The following DCC variants were observed in gnomAD, a reference collection of about 807,000 sequenced individuals.
DCC encodes the protein netrin receptor DCC.
In DCC, 58 loss-of-function variants were observed where a neutral mutation model predicts 172.5. The observed-to-expected ratio is 0.34, with a 90% CI of 0.27 to 0.42. The LOEUF (loss-of-function observed/expected upper bound fraction) is 0.42. DCC is among the 10% of genes least tolerant of loss of function. DCC has a pLI of 1.00. For synonymous variants in DCC, 709 were observed against 644.5 expected, an observed-to-expected ratio of 1.10 and a Z score of -1.52; for missense variants, 1,740 against 1,791.0, an observed-to-expected ratio of 0.97 and a Z score of 0.51.
intron 5 of DCC, among the ~76,000 whole-genome samples, chr18:52,973,452 G>T (rs890839899): frequency 3.4e-4 from 52 of 152,050 alleles, no homozygotes; most frequent in Non-Finnish European, 2.2e-4. Flanking sequence ...CTTACCCACT[G>T]GCCAAGTAGG....
chr18:53,091,802 A>G (rs927876051), intron 7 of DCC, among the ~76,000 whole-genome samples: 21 of 149,908 alleles, frequency 1.4e-4, no homozygotes, highest in African/African-American at 5.2e-4. Context: ...CATTGCATAC[A>G]CTGTACATAT....
At chr18:53,272,997 T>A (rs1192010440) in intron 12 of DCC, among the ~76,000 whole-genome samples, 1 of 152,132 alleles carries the variant, frequency 6.6e-6, no homozygotes, top group Non-Finnish European at 1.5e-5. Flanking sequence ...TGGCTGGATA[T>A]GAACCTTGAT....
At chr18:52,577,466 G>A (rs570811211) in intron 1 of DCC, among the ~76,000 whole-genome samples, 1 of 152,220 alleles carries the variant, frequency 6.6e-6, no homozygotes, top group South Asian at 2.1e-4. Flanking sequence ...CTGTGCTAAC[G>A]TTTGCAATAG....
intron 12 of DCC, among the ~76,000 whole-genome samples, chr18:53,263,581 G>A (rs982307096): frequency 2.6e-5 from 4 of 151,988 alleles, no homozygotes; most frequent in Admixed American, 2.6e-4. Flanking sequence ...GGAAAGACTG[G>A]GAAACATTAT....
intron 1 of DCC, among the ~76,000 whole-genome samples, chr18:52,553,418 AG>A (rs2144726846): frequency 6.6e-6 from 1 of 152,144 alleles, no homozygotes; most frequent in South Asian, 2.1e-4. Context: ...ATGGAGTGGG[AG>A]GGTGAAGTGG....
intron 2 of DCC, among the ~76,000 whole-genome samples, chr18:52,808,779 C>T (rs2038137802): frequency 6.6e-6 from 1 of 152,156 alleles, no homozygotes; most frequent in African/African-American, 2.4e-5. Context: ...AGTTTAACCC[C>T]ATTGTCTGTA....
In DCC at chr18:53,459,251, G is replaced by A. The variant is rs750279704; in HGVS notation, c.3412G>A (p.Ala1138Thr). The A allele has an allele frequency of 5.6e-6, 9 of 1,614,086 alleles. No homozygotes were observed. In the South Asian group the frequency reaches 9.9e-5, roughly 18 times the overall value. ...CCATAGGAAACGGGCCACCCACAGT[G>A]CTGGCAAAAGGAAGGGCAGCCAGAA... The part of the protein sequence containing the change: ...QQRKKRATHS[A>T]GKRKGSQKDL... Residue 1138 changes from alanine to threonine, a missense_variant, in exon 24 of 29, where the codon GCT becomes ACT. Physicochemically the swap from Ala to Thr is moderately conservative, Grantham distance 58 (BLOSUM62 0). Around this residue, in one of 2 missense-constraint regions of DCC, gnomAD observed 1,732 missense variants for 1,767.4 expected, o/e 0.98. Transcript: ENST00000442544.
Position 53,301,340 on chromosome 18 carries a change from C to T in DCC, c.1912-4238C>T, listed in dbSNP as rs550938986. On this transcript the variant is annotated intron_variant, in intron 12 of 28. Coordinates refer to ENST00000442544, the MANE Select transcript of DCC (RefSeq NM_005215.4). ...CTGACCACAGGTGATCCACCTGCCT[C>T]GGCCTCCCAAAGTGCTGGGATTACA... is the stretch of plus-strand genomic sequence containing the variant. Among the ~76,000 whole-genome samples, 60 of 152,088 alleles carry T rather than the reference C, an allele frequency of 3.9e-4. No individual in the cohort carries two copies. The East Asian group carries it at 4.7e-3, about 12-fold the overall frequency.
At chr18:52,934,734 A>C (rs1323658355) in intron 5 of DCC, 1 of 152,132 alleles carries the variant, frequency 6.6e-6, no homozygotes, top group East Asian at 1.9e-4. Context: ...TGTCATAATG[A>C]GGGGATGCCT....
At chr18:52,854,540 AAAGT>A (rs1325072792) in intron 2 of DCC, among the ~76,000 whole-genome samples, 1 of 152,234 alleles carries the variant, frequency 6.6e-6, no homozygotes, top group Non-Finnish European at 1.5e-5. Context: ...AAATATTTTG[AAAGT>A]AAGTATCAAA....
At chr18:53,411,500 T>C (rs1205242932) in intron 20 of DCC, among the ~76,000 whole-genome samples, 4 of 152,178 alleles carry the variant, frequency 2.6e-5, no homozygotes, top group Admixed American at 2.6e-4. Context: ...TCTTAATACA[T>C]GATAGTAAAG....
intron 1 of DCC, among the ~76,000 whole-genome samples, chr18:52,705,017 T>A (rs535777864): frequency 1.3e-5 from 2 of 152,266 alleles, no homozygotes; most frequent in South Asian, 4.1e-4. Context: ...GGTGAGATCA[T>A]CCTGGGATTG....
At chr18:52,831,952 T>A (rs2038621908) in intron 2 of DCC, among the ~76,000 whole-genome samples, 1 of 152,228 alleles carries the variant, frequency 6.6e-6, no homozygotes, top group Non-Finnish European at 1.5e-5. Context: ...TACTCCCAAA[T>A]GAAATGATTT....
intron 5 of DCC, among the ~76,000 whole-genome samples, chr18:52,932,605 CA>C (rs572792267): frequency 2.2e-4 from 34 of 152,114 alleles, no homozygotes; most frequent in African/African-American, 7.7e-4. Context: ...CCCTTTAAAG[CA>C]GTTGTGTAGC....
intron 2 of DCC, among the ~76,000 whole-genome samples, chr18:52,852,696 T>C (rs866495801): frequency 1.3e-5 from 2 of 151,878 alleles, no homozygotes; most frequent in South Asian, 2.1e-4. Flanking sequence ...ATTATTTTTA[T>C]GTAGTTACAG....
At chr18:52,500,032 T>C (rs1204414234) in intron 1 of DCC, among the ~76,000 whole-genome samples, 1 of 152,114 alleles carries the variant, frequency 6.6e-6, no homozygotes, top group South Asian at 2.1e-4. Context: ...ATAGTCTTAA[T>C]ATTTTTAGCT....
intron 12 of DCC, among the ~76,000 whole-genome samples, chr18:53,278,180 T>C (rs1293982074): frequency 6.6e-6 from 1 of 151,680 alleles, no homozygotes; most frequent in African/African-American, 2.4e-5. Context: ...CATTAAAAAA[T>C]CTGAATAATT....
intron 12 of DCC, among the ~76,000 whole-genome samples, chr18:53,257,358 A>G (rs1251068249): frequency 6.6e-6 from 1 of 152,190 alleles, no homozygotes; most frequent in Non-Finnish European, 1.5e-5. Flanking sequence ...TTTGTCATAG[A>G]TAGCTCTGAT....
rs1014743982 is a variant in DCC, at chr18:52,923,635, AAAATC to A, written c.698-68_698-64del. 4.0e-6 allele frequency: 5 copies of A among 1,262,438 alleles called. No homozygotes were observed. The African/African-American group carries it at 7.4e-5, about 19-fold the overall frequency. 78.2% of individuals were successfully genotyped at this position (1,262,438 alleles called of 1,614,324 possible). A position where few individuals can be genotyped will look rare whatever the true frequency, so the allele number is the denominator to read the frequency against. On this transcript the variant is annotated intron_variant, in intron 3 of 28. Coordinates refer to ENST00000442544, the MANE Select transcript of DCC (RefSeq NM_005215.4). ...TTTCTTTCCATCTTTTGTTAGGAAAAAAATCAAAATATATCATTTATCTTTGCAAT... is the reference window on the plus strand; with the variant it reads ...TTTCTTTCCATCTTTTGTTAGGAAAAAAAATATATCATTTATCTTTGCAAT...
Sources: allele counts gnomAD v4.1 joint callset (sites outside exome capture counted in the v4.1 genomes callset), GRCh38; gene constraint gnomAD v4.1.1; regional missense constraint gnomAD v4.1.1; transcripts MANE v1.5; gene names NCBI Gene and HGNC (gene_info 2026-07-23, HGNC 2026-07-21).